Variants in FHOD3 observed in about 807,000 individuals in gnomAD.
FHOD3 encodes the protein formin homology 2 domain containing 3.
In FHOD3, 90 loss-of-function variants were observed where a neutral mutation model predicts 173.0. The ratio of observed to expected loss-of-function variants is 0.52; its 90% CI spans 0.44 to 0.62. The LOEUF (loss-of-function observed/expected upper bound fraction) is 0.62, where lower values mean the gene tolerates loss of function less well. Ranked by LOEUF, FHOD3 falls within the 20% of genes least tolerant of loss-of-function variation. The pLI, the probability that FHOD3 is intolerant of heterozygous loss-of-function variation, is 0.00. For missense variants in FHOD3, 1,945 were observed against 2,034.7 expected (o/e 0.96, Z 0.85); for synonymous variants, 828 against 823.0 (o/e 1.01, Z -0.10).
At chr18:36,625,902 C>T (rs1009686616) in intron 10 of FHOD3, among the ~76,000 whole-genome samples, 153 bp downstream of exon 10, 10 of 152,162 alleles carry the variant, frequency 6.6e-5, no homozygotes, top group Non-Finnish European at 1.5e-4. Flanking sequence ...ACCAGCCAAA[C>T]ATCTCGGTGG....
chr18:36,602,104 A>G (rs1470085111), intron 7 of FHOD3, among the ~76,000 whole-genome samples: 1 of 152,210 alleles, frequency 6.6e-6, no homozygotes, highest in Non-Finnish European at 1.5e-5. Flanking sequence ...TAGCTGCTCC[A>G]TTAGATTATA....
intron 2 of FHOD3, among the ~76,000 whole-genome samples, chr18:36,364,058 C>A (rs1171900259): frequency 6.6e-6 from 1 of 152,090 alleles, no homozygotes; most frequent in African/African-American, 2.4e-5. Flanking sequence ...TATCTTTATG[C>A]CCTACCATCC....
chr18:36,666,402 A>AT (rs2037183665), intron 14 of FHOD3, among the ~76,000 whole-genome samples: 1 of 152,100 alleles, frequency 6.6e-6, no homozygotes, highest in Admixed American at 6.5e-5. Context: ...AAGATTCTTA[A>AT]TTTTTCTTTT....
chr18:36,527,706 C>A (rs2056590474), intron 5 of FHOD3, among the ~76,000 whole-genome samples: 1 of 152,092 alleles, frequency 6.6e-6, no homozygotes, highest in Non-Finnish European at 1.5e-5. Context: ...GTGAACCTGG[C>A]ACATGGCAAT....
At position 36,681,579 on chromosome 18, in the gene FHOD3, G is replaced by A. The variant is rs568370110; in HGVS notation, c.1970+9G>A. The A allele has an allele frequency of 5.1e-4, 825 of 1,603,792 alleles. 10 individuals are homozygous for A. The South Asian group carries it at 8.5e-3, about 16-fold the overall frequency. ...GAAAGAAACAAATTCAGGTAAGAAG[G>A]ATCTTAAGATTTTTTTTAAATAGTG... On this transcript the variant is annotated intron_variant, in intron 15 of 28. Transcript: ENST00000590592.
chr18:36,301,576 A>G (rs971262497), intron 1 of FHOD3, among the ~76,000 whole-genome samples: 3 of 152,240 alleles, frequency 2.0e-5, no homozygotes, highest in African/African-American at 4.8e-5. Flanking sequence ...GCTAAGCAAG[A>G]CATTTAGTTT....
chr18:36,687,028 G>A, intron 15 of FHOD3, 100 bp from the exon 16 acceptor site: 1 of 823,560 alleles, frequency 1.2e-6, no homozygotes, highest in Non-Finnish European at 1.9e-6. Context: ...GGCAGTGCCA[G>A]TCTTTCATGA....
intron 27 of FHOD3, among the ~76,000 whole-genome samples, chr18:36,763,844 C>T (rs1327904860): frequency 6.6e-6 from 1 of 152,214 alleles, no homozygotes; most frequent in East Asian, 1.9e-4. Context: ...GATCCCCAGA[C>T]ACCCTAAGTA....
chr18:36,389,312 T>C (rs1325495629), intron 3 of FHOD3, among the ~76,000 whole-genome samples: 1 of 152,230 alleles, frequency 6.6e-6, no homozygotes, highest in African/African-American at 2.4e-5. Context: ...AGAACTCACC[T>C]TCATATTCCT....
At chr18:36,750,428 TATAGGTTATCTGTTTACTCTGTTG>T (rs1328479720) in intron 24 of FHOD3, among the ~76,000 whole-genome samples, 1 of 152,244 alleles carries the variant, frequency 6.6e-6, no homozygotes, top group Non-Finnish European at 1.5e-5. Context: ...TCGCCCACTC[TATAGGTTATCTGTTTACTCTGTTG>T]ATAGTTTCTT....
chr18:36,428,749 C>T (rs184136185), intron 3 of FHOD3, among the ~76,000 whole-genome samples: 1 of 152,286 alleles, frequency 6.6e-6, no homozygotes, highest in East Asian at 1.9e-4. Context: ...ATTCCAGGGA[C>T]CATCACTGAC....
intron 11 of FHOD3, among the ~76,000 whole-genome samples, chr18:36,651,953 G>A (rs935575656): frequency 6.6e-6 from 1 of 152,180 alleles, no homozygotes; most frequent in Non-Finnish European, 1.5e-5. Flanking sequence ...TGTAGTGGGA[G>A]GCCCTGGAGA....
chr18:36,433,380 T>G (rs1262345623), intron 3 of FHOD3, among the ~76,000 whole-genome samples: 1 of 152,216 alleles, frequency 6.6e-6, no homozygotes, highest in Admixed American at 6.5e-5. Flanking sequence ...CTTAAATTCC[T>G]TTCCACCTCA....
At chr18:36,561,620 C>T (rs543563724) in intron 5 of FHOD3, among the ~76,000 whole-genome samples, 1 of 152,256 alleles carries the variant, frequency 6.6e-6, no homozygotes, top group South Asian at 2.1e-4. Flanking sequence ...CATTAAATAT[C>T]TTCATAATGT....
chr18:36,630,230 C>T (rs1487995515), intron 10 of FHOD3, among the ~76,000 whole-genome samples: 1 of 152,040 alleles, frequency 6.6e-6, no homozygotes, highest in Non-Finnish European at 1.5e-5. Flanking sequence ...AAACACAGAT[C>T]TATAGAATAT....
chr18:36,544,322 G>A (rs761821348), intron 5 of FHOD3, among the ~76,000 whole-genome samples: 7 of 152,250 alleles, frequency 4.6e-5, no homozygotes, highest in East Asian at 1.9e-4. Flanking sequence ...GTGGTCAAGG[G>A]TGAAGAGCAC....
intron 3 of FHOD3, among the ~76,000 whole-genome samples, chr18:36,403,854 T>G (rs939314486): frequency 6.6e-6 from 1 of 152,196 alleles, no homozygotes; most frequent in African/African-American, 2.4e-5. Flanking sequence ...GGCATTGGTG[T>G]CCTTTAAAAG....
chr18:36,466,650 T>C (rs553516584), intron 3 of FHOD3, among the ~76,000 whole-genome samples: 53 of 152,254 alleles, frequency 3.5e-4, no homozygotes, highest in South Asian at 6.2e-4. Flanking sequence ...CAGAAAAGAA[T>C]GTTAGCTGCA....
intron 3 of FHOD3, among the ~76,000 whole-genome samples, chr18:36,414,300 G>T (rs2049509725): frequency 6.6e-6 from 1 of 152,216 alleles, no homozygotes; most frequent in Admixed American, 6.5e-5. Flanking sequence ...AGAAAGCAAA[G>T]CTCATTCACA....
Sources: gnomAD v4.1 joint callset for allele counts (sites outside exome capture counted in the v4.1 genomes callset) on GRCh38, gnomAD v4.1.1 for gene constraint, MANE v1.5 for transcripts, NCBI Gene and HGNC (gene_info 2026-07-23, HGNC 2026-07-21) for gene names.